Variants in FPR1 observed in about 807,000 individuals in gnomAD.
FPR1 encodes the protein formyl peptide receptor 1.
For synonymous variants in FPR1, 193 were observed against 176.7 expected, an observed-to-expected ratio of 1.09 and a Z score of -0.73; for missense variants, 407 against 453.0, an observed-to-expected ratio of 0.90 and a Z score of 0.92.
At chr19:51,749,270 C>T (rs1336490542) in intron 1 of FPR1, among the ~76,000 whole-genome samples, 1 of 152,104 alleles carries the variant, frequency 6.6e-6, no homozygotes, top group Non-Finnish European at 1.5e-5. Context: ...CGCTCTCTCT[C>T]TTTAAGGTCA....
At chr19:51,750,321 T>C (rs2083772733) in intron 1 of FPR1, 3 of 152,246 alleles carry the variant, frequency 2.0e-5, no homozygotes, top group African/African-American at 7.2e-5. Flanking sequence ...ACCATCTCAT[T>C]AATAGTTTTT....
intron 1 of FPR1, 122 bp from the exon 2 acceptor site, chr19:51,747,127 C>T: frequency 4.4e-6 from 3 of 688,456 alleles, no homozygotes; most frequent in Non-Finnish European, 7.4e-6. Context: ...CTAGAGCTCC[C>T]ACAACAGCCG....
At chr19:51,748,281 G>A (rs1475068601) in intron 1 of FPR1, among the ~76,000 whole-genome samples, 2 of 152,226 alleles carry the variant, frequency 1.3e-5, no homozygotes, top group Non-Finnish European at 2.9e-5. Context: ...AACTCACAGA[G>A]ACCGAATGCA....
chr19:51,748,876 G>A (rs2083763762), intron 1 of FPR1, among the ~76,000 whole-genome samples: 1 of 152,118 alleles, frequency 6.6e-6, no homozygotes, highest in Non-Finnish European at 1.5e-5. Flanking sequence ...CACAAACGTG[G>A]ACTAAGACTT....
intron 1 of FPR1, chr19:51,750,379 G>A (rs994197282): frequency 6.6e-6 from 1 of 152,136 alleles, no homozygotes; most frequent in African/African-American, 2.4e-5. Context: ...TTTAAGTTTA[G>A]GTTAGATATT....
intron 1 of FPR1, among the ~76,000 whole-genome samples, 193 bp downstream of exon 1, chr19:51,751,621 T>C (rs947370654): frequency 3.9e-5 from 6 of 152,138 alleles, no homozygotes; most frequent in African/African-American, 1.4e-4. Flanking sequence ...GACCTCAAGT[T>C]ATCCACCTGC....
intron 1 of FPR1, among the ~76,000 whole-genome samples, chr19:51,750,417 C>G (rs1402055330): frequency 6.6e-6 from 1 of 152,132 alleles, no homozygotes; most frequent in Non-Finnish European, 1.5e-5. Context: ...GCATGTTTCT[C>G]TTCACCTTTT....
chr19:51,748,751 G>T (rs2083763153), intron 1 of FPR1, among the ~76,000 whole-genome samples: 1 of 152,190 alleles, frequency 6.6e-6, no homozygotes. Context: ...GTGAGCCACT[G>T]TGCCCAGCCT....
In FPR1 at chr19:51,745,984, A is replaced by G; in HGVS notation, c.1011T>C (p.Asn337=). 3 of 1,613,954 alleles carry G rather than the reference A, an allele frequency of 1.9e-6. No individual in the cohort carries two copies. Among genetic ancestry groups the G allele is most frequent in the Non-Finnish European group, 2.5e-6 (3 of 1,179,842 alleles). ...CCACCTCTGCAGAAGGTAAAGTAGA[A>G]TTGGTAGCTGTGTCACTGGTTTGGG... ...DSTQTSDTAT[N]STLPSAEVEL... The change falls in exon 2 of 2, where the codon AAT becomes AAC. Residue 337 remains asparagine (N), a synonymous_variant. Transcript: ENST00000304748.
rs10469301 is a variant in FPR1, at chr19:51,748,822, A to G, written c.-11-1817T>C. The stretch of plus-strand genomic sequence containing the variant: ...AATAAAGGAAAAATAAGAGCATAAG[A>G]TATCAGAAAATCAGTGGGCGACAGC... On this transcript the variant is annotated intron_variant, in intron 1 of 1. Coordinates refer to ENST00000304748, the MANE Select transcript of FPR1 (RefSeq NM_002029.4). 4.9e-3 allele frequency among the ~76,000 whole-genome samples: 746 copies of G among 152,346 alleles called. 8 individuals are homozygous for G. The highest frequency in any genetic ancestry group is 0.017 in the African/African-American group (720 of 41,582).
At chr19:51,747,279 C>A (rs544998716) in intron 1 of FPR1, among the ~76,000 whole-genome samples, 41 of 149,130 alleles carry the variant, frequency 2.7e-4, no homozygotes, top group Non-Finnish European at 5.2e-4. Flanking sequence ...AGTGCAGTGG[C>A]GTGATCTCTC....
Position 51,746,019 on chromosome 19 carries a change from C to A in FPR1, c.976G>T (p.Glu326Ter). ...LPASLERALT[E>*]DSTQTSDTAT... Reference sequence around the variant, plus strand: ...GTGTCACTGGTTTGGGTTGAGTCCTCGGTCAGGGCCCTCTCCAGACTGGCG... The same window carrying A: ...GTGTCACTGGTTTGGGTTGAGTCCTAGGTCAGGGCCCTCTCCAGACTGGCG... Residue 326 changes from glutamate (E) to a stop codon, truncating the protein, a stop_gained, in exon 2 of 2, where the codon GAG becomes TAG. Transcript: ENST00000304748. LOFTEE classifies it low-confidence loss of function (END_TRUNC). The surrounding 1 kb of genome is among the most constrained non-coding windows in gnomAD (Gnocchi z 4.3). 1.2e-6 allele frequency: 2 copies of A among 1,614,150 alleles called. No homozygotes were observed. Among genetic ancestry groups the A allele is most frequent in the Non-Finnish European group, 1.7e-6 (2 of 1,180,024 alleles).
chr19:51,750,237 G>A (rs1053233299), intron 1 of FPR1: 1 of 152,134 alleles, frequency 6.6e-6, no homozygotes, highest in African/African-American at 2.4e-5. Context: ...ATTGTGGCTA[G>A]TCCAACTGGA....
intron 1 of FPR1, among the ~76,000 whole-genome samples, chr19:51,749,647 T>A (rs1250007545): frequency 3.3e-5 from 5 of 152,168 alleles, no homozygotes; most frequent in East Asian, 1.9e-4. Flanking sequence ...CTCTTTTTTT[T>A]AATTTATTTT....
intron 1 of FPR1, among the ~76,000 whole-genome samples, chr19:51,749,639 CT>C (rs557211024): frequency 1.3e-5 from 2 of 151,746 alleles, no homozygotes; most frequent in Non-Finnish European, 2.9e-5. Context: ...GGCCTTCTCT[CT>C]TTTTTTTAAT....
Position 51,746,496 on chromosome 19 carries a change from C to T in FPR1, c.499G>A (p.Val167Ile), listed in dbSNP as rs1301820607. The change falls in exon 2 of 2, where the codon GTA (valine) becomes ATA (isoleucine). Residue 167 changes from valine (V) to isoleucine (I), a missense_variant. Physicochemically the swap from Val to Ile is conservative, Grantham distance 29. Transcript: ENST00000304748. The surrounding 1 kb of genome is among the most constrained non-coding windows in gnomAD (Gnocchi z 4.3). Reference protein sequence around the residue: ...TLPVIIRVTTVPGKTGTVACT... With the variant: ...TLPVIIRVTTIPGKTGTVACT... The stretch of plus-strand genomic sequence containing the variant: ...GCTACTGTCCCCGTTTTACCAGGTA[C>T]TGTAGTCACACGAATGATAACTGGC... 6.2e-7 allele frequency: 1 copy of T among 1,614,070 alleles called. No individual in the cohort carries two copies. The highest frequency in any genetic ancestry group is 8.5e-7 in the Non-Finnish European group (1 of 1,180,050).
In FPR1 at chr19:51,746,408, G is replaced by T. The variant is rs1341165144; in HGVS notation, c.587C>A (p.Ala196Asp). The change falls in exon 2 of 2, where the codon GCC (alanine) becomes GAC (aspartate). Residue 196 changes from alanine to aspartate, a missense_variant. Transcript: ENST00000304748. This position sits in a 1 kb window ranked among gnomAD's most constrained non-coding sequence, Gnocchi z 4.3. ...DPKERINVAV[A>D]MLTVRGIIRF... ...GATGATGCCTCTCACCGTCAACATG[G>T]CAACGGCCACATTTATCCTCTCTTT... 6.2e-7 allele frequency: 1 copy of T among 1,614,032 alleles called. No homozygotes were observed. The highest frequency in any genetic ancestry group is 1.7e-5 in the Admixed American group (1 of 59,996).
rs1362279819 is a variant in FPR1, at chr19:51,745,778, T to A, written c.*164A>T. 12 of 630,894 alleles carry A rather than the reference T, an allele frequency of 1.9e-5. No homozygotes were observed. The highest frequency in any genetic ancestry group is 3.0e-5 in the Non-Finnish European group (11 of 360,898). 39.1% of individuals were successfully genotyped at this position (630,894 alleles called of 1,614,324 possible). A position where few individuals can be genotyped will look rare whatever the true frequency, so the allele number is the denominator to read the frequency against. On this transcript the variant is annotated 3_prime_UTR_variant, in exon 2 of 2. Transcript: ENST00000304748. ...ATCAAAAAAGAAGTCAATAATAAAC[T>A]CATATCTGTTTATTCTCCCCAAATC...
chr19:51,751,297 C>T lies in FPR1; in HGVS notation c.-12+517G>A, dbSNP rs181392808. ...AACTTCCCTCCTTCACTTATCCCTT[C>T]TCTCTCCTGCAGCCTCATAGTGTCT... On this transcript the variant is annotated intron_variant, in intron 1 of 1. Coordinates refer to ENST00000304748, the MANE Select transcript of FPR1 (RefSeq NM_002029.4). 4.5e-3 allele frequency among the ~76,000 whole-genome samples: 693 copies of T among 152,320 alleles called. 2 individuals carry two copies. Among genetic ancestry groups the T allele is most frequent in the Admixed American group, 7.5e-3 (115 of 15,286 alleles).
Sources: allele counts gnomAD v4.1 joint callset (sites outside exome capture counted in the v4.1 genomes callset), GRCh38; gene constraint gnomAD v4.1.1; non-coding constraint Gnocchi (gnomAD v3.1); transcripts MANE v1.5; gene names NCBI Gene and HGNC (gene_info 2026-07-23, HGNC 2026-07-21).